AGFG2: variants seen among roughly 807,000 people sequenced by gnomAD.
The protein encoded by AGFG2 is ArfGAP with FG repeats 2.
Under a neutral mutation model 48.0 loss-of-function variants are expected in AGFG2, and 31 were observed. The ratio of observed to expected loss-of-function variants is 0.65; its 90% CI spans 0.49 to 0.87. AGFG2 has a LOEUF of 0.87. Ranked by LOEUF, AGFG2 falls within the 40% of genes least tolerant of loss-of-function variation. AGFG2 has a pLI of 0.00. For synonymous variants in AGFG2, 229 were observed against 260.8 expected, an observed-to-expected ratio of 0.88 and a Z score of 1.18; for missense variants, 599 against 632.6, an observed-to-expected ratio of 0.95 and a Z score of 0.57.
rs1266147524 is a variant in AGFG2 at position 100,539,351 on chromosome 7, T to C, written c.5T>C (p.Val2Ala). 3 of 1,267,460 alleles carry C rather than the reference T, an allele frequency of 2.4e-6. No individual in the cohort carries two copies. The highest frequency in any genetic ancestry group is 4.2e-5 in the Admixed American group (1 of 23,790). The allele number at this position is 1,267,460 out of a possible 1,614,324, so 78.5% of individuals were successfully genotyped here. A position where few individuals can be genotyped will look rare whatever the true frequency, so the allele number is the denominator to read the frequency against. Residue 2 changes from valine to alanine, a missense_variant, in exon 1 of 12, where the codon GTG (valine) becomes GCG (alanine). Coordinates refer to ENST00000300176, the MANE Select transcript of AGFG2 (RefSeq NM_006076.5). ...GCGGGGAGGGAGTGGGCAGCGATGG[T>C]GATGGCGGCGAAGAAGGGCCCGGGC... Reference protein sequence around the residue: MVMAAKKGPGPG... With the variant: MAMAAKKGPGPG...
chr7:100,549,601 C>G (rs967914991), intron 2 of AGFG2, among the ~76,000 whole-genome samples: 2 of 152,172 alleles, frequency 1.3e-5, no homozygotes, highest in Non-Finnish European at 2.9e-5. Flanking sequence ...GGATTATAAA[C>G]TCTGCGAGGA....
rs1800374438 is a variant in AGFG2 at position 100,539,395 on chromosome 7, G to C, written c.49G>C (p.Gly17Arg). The C allele has an allele frequency of 7.6e-7, 1 of 1,307,918 alleles. No homozygotes were observed. The highest frequency in any genetic ancestry group is 4.0e-5 in the Admixed American group (1 of 24,724). 81.0% of individuals were successfully genotyped at this position (1,307,918 alleles called of 1,614,324 possible). A position where few individuals can be genotyped will look rare whatever the true frequency, so the allele number is the denominator to read the frequency against. The change falls in exon 1 of 12, where the codon GGG (glycine) becomes CGG (arginine). Residue 17 changes from glycine (G) to arginine (R), a missense_variant. Gly to Arg is a moderately radical substitution (Grantham distance 125). Transcript: ENST00000300176. ...KGPGPGGGVSGGKAEAEAASE... is the reference protein window; with the variant it reads ...KGPGPGGGVSRGKAEAEAASE... ...CCCGGGCCCGGGCGGCGGGGTCAGC[G>C]GGGGCAAGGCGGAGGCGGAGGCGGC...
chr7:100,550,180 G>A (rs1193064372), intron 2 of AGFG2, among the ~76,000 whole-genome samples: 1 of 152,156 alleles, frequency 6.6e-6, no homozygotes, highest in Non-Finnish European at 1.5e-5. Context: ...GGTGGCGCAT[G>A]CCTATAGTCT....
intron 1 of AGFG2, among the ~76,000 whole-genome samples, chr7:100,540,006 G>A (rs1282672366): frequency 6.6e-6 from 1 of 152,008 alleles, no homozygotes; most frequent in Non-Finnish European, 1.5e-5. Context: ...GGGGAAAGCC[G>A]GCCTGGAGAT....
At chr7:100,559,513 C>T (rs761028237) in intron 6 of AGFG2, among the ~76,000 whole-genome samples, 16 of 151,958 alleles carry the variant, frequency 1.1e-4, no homozygotes, top group South Asian at 4.2e-4. Flanking sequence ...AATCTAGCTG[C>T]GTGGTATAAG....
Position 100,562,227 on chromosome 7 carries a change from C to A in AGFG2, c.878-32C>A. 1 of 1,607,242 alleles carries A rather than the reference C, an allele frequency of 6.2e-7. No individual in the cohort carries two copies. The highest frequency in any genetic ancestry group is 1.3e-5 in the African/African-American group (1 of 74,940). On this transcript the variant is annotated intron_variant, in intron 6 of 11. Transcript: ENST00000300176. This position sits in a 1 kb window ranked among gnomAD's most constrained non-coding sequence, Gnocchi z 5.4. The stretch of plus-strand genomic sequence containing the variant: ...CCCCTCCCGCCCTGTCTTACCTCAG[C>A]TCTCCCTGTTGTATTTTCCACAACT...
rs1253334656 is a variant in AGFG2, at chr7:100,548,912, T to C, written c.312T>C (p.Asn104=). The C allele has an allele frequency of 5.0e-6, 8 of 1,613,056 alleles. 1 individual carries two copies. The South Asian group carries it at 8.8e-5, about 18-fold the overall frequency. The change falls in exon 2 of 12, where the codon AAT becomes AAC. Residue 104 remains asparagine (N), a synonymous_variant. Transcript: ENST00000300176. ...TAGTATTCCTGCAATCCCGTGGAAA[T>C]GAGGTGAGCTGCCACCGATGGAGTG... ...PEVVFLQSRG[N]EVCRKIWLGL...
At chr7:100,557,698 G>T (rs1800785251) in intron 6 of AGFG2, among the ~76,000 whole-genome samples, 1 of 152,088 alleles carries the variant, frequency 6.6e-6, no homozygotes, top group Non-Finnish European at 1.5e-5. Flanking sequence ...GCCTCCCAAA[G>T]TTCTGGGATT....
intron 10 of AGFG2, 99 bp from the exon 11 acceptor site, chr7:100,564,119 C>A: frequency 6.5e-7 from 1 of 1,531,232 alleles, no homozygotes; most frequent in Non-Finnish European, 8.9e-7. Context: ...ACTTCCACTG[C>A]TCTGTTCCCT....
Position 100,565,167 on chromosome 7 carries a change from C to A in AGFG2, c.*176C>A. On this transcript the variant is annotated 3_prime_UTR_variant, in exon 12 of 12. Transcript: ENST00000300176. Reference sequence around the variant, plus strand: ...TGCCCTCAGATTCCACAAAGCCTCTCTCCCCTCCCTCGTCCCACCCCCACC... The same window carrying A: ...TGCCCTCAGATTCCACAAAGCCTCTATCCCCTCCCTCGTCCCACCCCCACC... 1.4e-6 allele frequency: 1 copy of A among 710,810 alleles called. No homozygotes were observed. The highest frequency in any genetic ancestry group is 2.4e-6 in the Non-Finnish European group (1 of 416,660). The allele number at this position is 710,810 out of a possible 1,614,324, so 44.0% of individuals were successfully genotyped here.
intron 3 of AGFG2, among the ~76,000 whole-genome samples, chr7:100,551,064 A>ATTTT (rs1415575604): frequency 1.3e-5 from 1 of 78,342 alleles, no homozygotes; most frequent in African/African-American, 5.5e-5. Context: ...ATATATATAT[A>ATTTT]TATTTCTTTT....
chr7:100,549,616 A>C (rs1255605885), intron 2 of AGFG2, among the ~76,000 whole-genome samples: 3 of 152,216 alleles, frequency 2.0e-5, no homozygotes, highest in African/African-American at 7.2e-5. Flanking sequence ...CGAGGACAGG[A>C]ATCATATCTG....
intron 6 of AGFG2, among the ~76,000 whole-genome samples, chr7:100,559,114 G>A (rs1450680927): frequency 6.6e-6 from 1 of 152,048 alleles, no homozygotes; most frequent in South Asian, 2.1e-4. Context: ...GGGTGACAGA[G>A]CAAGACTCTG....
chr7:100,548,956 T>G (rs1294209928), intron 2 of AGFG2, 41 bp downstream of exon 2: 1 of 1,523,172 alleles, frequency 6.6e-7, no homozygotes, highest in East Asian at 2.3e-5. Context: ...GTCACCTATC[T>G]GCAGGTGGGG....
In AGFG2 at chr7:100,562,487, C is replaced by T. The variant is rs1456619852; in HGVS notation, c.999-107C>T. The T allele has an allele frequency of 1.3e-5, 20 of 1,599,608 alleles. No homozygotes were observed. Among genetic ancestry groups the T allele is most frequent in the Middle Eastern group, 1.7e-4 (1 of 6,016 alleles). On this transcript the variant is annotated intron_variant, in intron 7 of 11. Coordinates refer to ENST00000300176, the MANE Select transcript of AGFG2 (RefSeq NM_006076.5). The surrounding 1 kb of genome is among the most constrained non-coding windows in gnomAD (Gnocchi z 5.4). ...TCTCCTGGCAGTTCTCCCCTCCCCT[C>T]CTCTCCCTTACTCACCCTGGAGAGC...
intron 1 of AGFG2, 69 bp from the exon 2 acceptor site, chr7:100,548,753 C>G: frequency 8.2e-7 from 1 of 1,222,316 alleles, no homozygotes; most frequent in Non-Finnish European, 1.2e-6. Context: ...CCTCCTCCTC[C>G]TCCTCCCATG....
intron 1 of AGFG2, among the ~76,000 whole-genome samples, chr7:100,546,536 GTTC>G (rs1275815861): frequency 1.3e-5 from 2 of 152,136 alleles, no homozygotes; most frequent in Non-Finnish European, 2.9e-5. Flanking sequence ...GGCTTCCTGG[GTTC>G]TTCTTGTGAG....
chr7:100,539,336 A>G lies in AGFG2; in HGVS notation c.-11A>G. On this transcript the variant is annotated 5_prime_UTR_variant, in exon 1 of 12. Coordinates refer to ENST00000300176, the MANE Select transcript of AGFG2 (RefSeq NM_006076.5). Reference sequence around the variant, plus strand: ...GGTGATTGCTGACTAGCGGGGAGGGAGTGGGCAGCGATGGTGATGGCGGCG... The same window carrying G: ...GGTGATTGCTGACTAGCGGGGAGGGGGTGGGCAGCGATGGTGATGGCGGCG... 7.9e-7 allele frequency: 1 copy of G among 1,267,552 alleles called. No homozygotes were observed. The highest frequency in any genetic ancestry group is 2.8e-5 in the South Asian group (1 of 35,836). The allele number at this position is 1,267,552 out of a possible 1,614,324, so 78.5% of individuals were successfully genotyped here. A position where few individuals can be genotyped will look rare whatever the true frequency, so the allele number is the denominator to read the frequency against.
At position 100,564,261 on chromosome 7, in the gene AGFG2, G is replaced by A. The variant is rs747774427; in HGVS notation, c.1344G>A (p.Arg448=). Residue 448 remains arginine (R), a synonymous_variant, in exon 11 of 12, where the codon AGG becomes AGA. Transcript: ENST00000300176. The part of the protein sequence containing the change: ...GDLGSAKLGQ[R]PLSQPAGIST... ...TAGGATCAGCCAAGTTGGGGCAGAGGCCACTGAGCCAGCCAGCTGGGATCT... is the reference window on the plus strand; with the variant it reads ...TAGGATCAGCCAAGTTGGGGCAGAGACCACTGAGCCAGCCAGCTGGGATCT... 56 of 1,613,684 alleles carry A rather than the reference G, an allele frequency of 3.5e-5. 1 individual carries two copies. The highest frequency in any genetic ancestry group is 4.7e-5 in the Non-Finnish European group (55 of 1,179,904).
Sources: gnomAD v4.1 joint callset for allele counts (sites outside exome capture counted in the v4.1 genomes callset) on GRCh38, gnomAD v4.1.1 for gene constraint, Gnocchi (gnomAD v3.1) non-coding constraint, MANE v1.5 for transcripts, NCBI Gene and HGNC (gene_info 2026-07-23, HGNC 2026-07-21) for gene names.